NUAK1: variants seen among roughly 807,000 people sequenced by gnomAD.
NUAK1 encodes the protein NUAK family SNF1-like kinase 1.
Under a neutral mutation model 56.9 loss-of-function variants are expected in NUAK1, and 26 were observed. The observed-to-expected ratio is 0.46, with a 90% confidence interval of 0.33 to 0.63. The LOEUF (loss-of-function observed/expected upper bound fraction) is 0.63. NUAK1 is among the 30% of genes least tolerant of loss of function. The pLI is 0.02. For synonymous variants in NUAK1, 337 were observed against 336.0 expected (o/e 1.00, Z -0.03); for missense variants, 727 against 876.1 (o/e 0.83, Z 2.15).
At position 106,067,735 on chromosome 12, in the gene NUAK1, G is replaced by A. The variant is rs150252431; in HGVS notation, c.1053C>T (p.Gly351=). The part of the protein sequence containing the change: ...LQADTEAKMK[G]LAKPTTSEVM... The stretch of plus-strand genomic sequence containing the variant: ...CCTCAGAGGTCGTGGGTTTGGCCAG[G>A]CCCTTCATTTTGGCTTCGGTGTCAG... Residue 351 remains glycine (G), a synonymous_variant, in exon 7 of 7, where the codon GGC becomes GGT. Transcript: ENST00000261402. This position sits in a 1 kb window ranked among gnomAD's most constrained non-coding sequence, Gnocchi z 6.0. The A allele has an allele frequency of 2.8e-4, 458 of 1,614,100 alleles. 1 individual carries two copies. The highest frequency in any genetic ancestry group is 3.7e-4 in the Non-Finnish European group (442 of 1,180,048).
intron 6 of NUAK1, among the ~76,000 whole-genome samples, chr12:106,068,322 G>A (rs756508964): frequency 2.0e-5 from 3 of 152,232 alleles, no homozygotes; most frequent in Admixed American, 1.3e-4. Flanking sequence ...TTCCTTTGGC[G>A]AATATCATTT....
rs775248932 is a variant in NUAK1 at position 106,138,685 on chromosome 12, G to C, written c.-32C>G. The C allele has an allele frequency of 2.4e-5, 36 of 1,475,046 alleles. 1 individual carries two copies. In the South Asian group the frequency reaches 2.6e-4, roughly 11 times the overall value. 91.4% of individuals were successfully genotyped at this position (1,475,046 alleles called of 1,614,324 possible). ...GCGCGGGGCGAGCCGGGCTACAGAG[G>C]GCAAGACCGGGCACAGCGCTGGGAT... On this transcript the variant is annotated 5_prime_UTR_variant, in exon 1 of 7. Transcript: ENST00000261402. The surrounding 1 kb of genome is among the most constrained non-coding windows in gnomAD (Gnocchi z 5.0).
chr12:106,107,019 T>G (rs1220020638), intron 1 of NUAK1, among the ~76,000 whole-genome samples: 1 of 152,204 alleles, frequency 6.6e-6, no homozygotes, highest in Non-Finnish European at 1.5e-5. Flanking sequence ...CCTCGGCTTT[T>G]AAGACTCCAG....
At chr12:106,118,405 A>G (rs957472378) in intron 1 of NUAK1, among the ~76,000 whole-genome samples, 13 of 152,244 alleles carry the variant, frequency 8.5e-5, no homozygotes, top group Admixed American at 2.6e-4. Flanking sequence ...AATATGTGGT[A>G]AGGAAGAAAA....
chr12:106,067,620 A>G lies in NUAK1; in HGVS notation c.1168T>C (p.Ser390Pro), dbSNP rs1463625642. ...SGQDAVPESP[S>P]KLSSKRPKGI... ...TTGGGCCTCTTAGAACTCAACTTGG[A>G]TGGGCTTTCAGGCACTGCATCCTGA... Residue 390 changes from serine (S) to proline (P), a missense_variant, in exon 7 of 7, where the codon TCC becomes CCC. Coordinates refer to ENST00000261402, the MANE Select transcript of NUAK1 (RefSeq NM_014840.3). This position sits in a 1 kb window ranked among gnomAD's most constrained non-coding sequence, Gnocchi z 6.0. 1.2e-6 allele frequency: 2 copies of G among 1,614,076 alleles called. No individual in the cohort carries two copies. The highest frequency in any genetic ancestry group is 1.7e-6 in the Non-Finnish European group (2 of 1,180,044).
intron 4 of NUAK1, among the ~76,000 whole-genome samples, chr12:106,082,099 A>C (rs1177457434): frequency 6.6e-6 from 1 of 152,256 alleles, no homozygotes; most frequent in African/African-American, 2.4e-5. Context: ...CTTTGATTGT[A>C]GTATTGTCTA....
At chr12:106,073,593 G>A (rs901106731) in intron 4 of NUAK1, among the ~76,000 whole-genome samples, 49 of 152,132 alleles carry the variant, frequency 3.2e-4, no homozygotes, top group African/African-American at 1.1e-3. Flanking sequence ...TTGGCCAGGC[G>A]GATCACTTGA....
intron 1 of NUAK1, among the ~76,000 whole-genome samples, chr12:106,123,845 GC>G (rs2033001445): frequency 1.3e-5 from 2 of 152,250 alleles, no homozygotes; most frequent in African/African-American, 4.8e-5. Context: ...TTTGTCCTTG[GC>G]TACAACGTCC....
At chr12:106,071,091 A>G (rs1045546376) in intron 5 of NUAK1, among the ~76,000 whole-genome samples, 185 bp from the exon 6 acceptor site, 1 of 152,240 alleles carries the variant, frequency 6.6e-6, no homozygotes, top group Non-Finnish European at 1.5e-5. Flanking sequence ...GACCTGCTAC[A>G]GAGCCTGACC....
At chr12:106,080,686 C>T (rs750479488) in intron 4 of NUAK1, among the ~76,000 whole-genome samples, 2 of 152,194 alleles carry the variant, frequency 1.3e-5, no homozygotes, top group African/African-American at 4.8e-5. Context: ...ACCACTGCAG[C>T]GACATGTGAC....
intron 2 of NUAK1, among the ~76,000 whole-genome samples, chr12:106,092,479 G>A (rs576831067): frequency 1.3e-5 from 2 of 151,936 alleles, no homozygotes; most frequent in African/African-American, 4.8e-5. Context: ...CCTGGTGACA[G>A]AGCGAGACTC....
In NUAK1 at chr12:106,070,918, A is replaced by G; in HGVS notation, c.700-12T>C. The stretch of plus-strand genomic sequence containing the variant: ...GCCCAGCTGTCCACCTGGAGCAGAG[A>G]GACAGCACATATAGGAGAGCTGGGA... On this transcript the variant is annotated splice_polypyrimidine_tract_variant and intron_variant, in intron 5 of 6. Transcript: ENST00000261402. The G allele has an allele frequency of 6.2e-7, 1 of 1,614,074 alleles. No individual in the cohort carries two copies. Among genetic ancestry groups the G allele is most frequent in the Non-Finnish European group, 8.5e-7 (1 of 1,179,964 alleles).
chr12:106,086,312 C>T (rs2032570016), intron 3 of NUAK1, among the ~76,000 whole-genome samples: 3 of 151,918 alleles, frequency 2.0e-5, no homozygotes, highest in Non-Finnish European at 2.9e-5. Flanking sequence ...ATGAATCCAC[C>T]GTGGTACCCT....
rs191858585 is a variant in NUAK1, at chr12:106,088,418, C to T, written c.362-1533G>A. On this transcript the variant is annotated intron_variant, in intron 2 of 6. Coordinates refer to ENST00000261402, the MANE Select transcript of NUAK1 (RefSeq NM_014840.3). ...CTGTGCTCATATGTGGTTTCCACAG[C>T]GCCCCTCCCACTGCACTAGTCAATA... Among the ~76,000 whole-genome samples, 7 of 152,266 alleles carry T rather than the reference C, an allele frequency of 4.6e-5. No homozygotes were observed. The East Asian group carries it at 5.8e-4, about 13-fold the overall frequency.
intron 1 of NUAK1, among the ~76,000 whole-genome samples, chr12:106,127,890 GAC>G (rs2033038871): frequency 6.6e-6 from 1 of 152,092 alleles, no homozygotes. Flanking sequence ...CTGCTGCAGG[GAC>G]AGACAGGACC....
At chr12:106,111,679 C>T (rs1196098176) in intron 1 of NUAK1, among the ~76,000 whole-genome samples, 1 of 152,146 alleles carries the variant, frequency 6.6e-6, no homozygotes, top group Non-Finnish European at 1.5e-5. Flanking sequence ...ATGCCAGCCC[C>T]AGGGACCACA....
intron 6 of NUAK1, among the ~76,000 whole-genome samples, chr12:106,069,621 A>G (rs900548357): frequency 2.0e-5 from 3 of 152,230 alleles, no homozygotes; most frequent in Non-Finnish European, 2.9e-5. Flanking sequence ...AAACAAGGTT[A>G]TATATCAATC....
At chr12:106,114,643 C>T (rs79527656) in intron 1 of NUAK1, among the ~76,000 whole-genome samples, 5 of 152,140 alleles carry the variant, frequency 3.3e-5, no homozygotes, top group African/African-American at 4.8e-5. Flanking sequence ...CCCAAGTTCA[C>T]GAAGTTATCA....
chr12:106,105,603 G>A (rs1008813253), intron 2 of NUAK1, among the ~76,000 whole-genome samples: 4 of 152,060 alleles, frequency 2.6e-5, no homozygotes, highest in African/African-American at 9.7e-5. Context: ...GATCTAACTG[G>A]ACAAAAACCA....
Sources: allele counts gnomAD v4.1 joint callset (sites outside exome capture counted in the v4.1 genomes callset), GRCh38; gene constraint gnomAD v4.1.1; non-coding constraint Gnocchi (gnomAD v3.1); transcripts MANE v1.5; gene names NCBI Gene and HGNC (gene_info 2026-07-23, HGNC 2026-07-21).